RAPH1: variants seen among roughly 807,000 people sequenced by gnomAD.
RAPH1 encodes ras-associated and pleckstrin homology domains-containing protein 1.
A neutral mutation model predicts 88.1 loss-of-function variants in RAPH1; 18 were observed. The ratio of observed to expected loss-of-function variants is 0.20; its 90% CI spans 0.14 to 0.30. The LOEUF (loss-of-function observed/expected upper bound fraction) is 0.30. Ranked by LOEUF, RAPH1 falls within the 10% of genes least tolerant of loss-of-function variation. The pLI is 1.00. For synonymous variants in RAPH1, 587 were observed against 559.0 expected (o/e 1.05, Z -0.71); for missense variants, 1,448 against 1,543.2 (o/e 0.94, Z 1.03).
chr2:203,495,030 T>C, intron 2 of RAPH1: 1 of 494,140 alleles, frequency 2.0e-6, no homozygotes, highest in East Asian at 3.1e-5. Flanking sequence ...TCACAAGTAT[T>C]TTTTTTAACA....
intron 4 of RAPH1, among the ~76,000 whole-genome samples, chr2:203,474,554 CTTTT>C (rs1231355983): frequency 6.6e-6 from 1 of 152,186 alleles, no homozygotes; most frequent in East Asian, 1.9e-4. Flanking sequence ...TCTGCACTTT[CTTTT>C]GTTCTGAGCT....
chr2:203,498,841 TCA>T (rs1688621178), intron 1 of RAPH1, among the ~76,000 whole-genome samples: 1 of 152,218 alleles, frequency 6.6e-6, no homozygotes, highest in Non-Finnish European at 1.5e-5. Flanking sequence ...AGTCATGTGC[TCA>T]TAATGATGTT....
At chr2:203,490,968 T>C (rs2443801) in intron 3 of RAPH1, among the ~76,000 whole-genome samples, 16,114 of 147,642 alleles carry the variant, frequency 0.11, 1,785 homozygotes, top group African/African-American at 0.29. Flanking sequence ...CGCTTGAACC[T>C]GGGAGGCAGA....
At chr2:203,512,400 C>T (rs938437969) in intron 1 of RAPH1, among the ~76,000 whole-genome samples, 2 of 151,334 alleles carry the variant, frequency 1.3e-5, no homozygotes, top group African/African-American at 4.9e-5. Context: ...AACAAATTCT[C>T]CCTCCATGTT....
At chr2:203,475,182 A>G (rs1375499655) in intron 4 of RAPH1, among the ~76,000 whole-genome samples, 1 of 152,122 alleles carries the variant, frequency 6.6e-6, no homozygotes, top group Non-Finnish European at 1.5e-5. Flanking sequence ...CCGAGGCGGG[A>G]GGATCACAAG....
chr2:203,462,105 G>C (rs2098524639), intron 4 of RAPH1, among the ~76,000 whole-genome samples, 180 bp from the exon 5 acceptor site: 1 of 152,156 alleles, frequency 6.6e-6, no homozygotes, highest in Non-Finnish European at 1.5e-5. Context: ...ACATTTTATA[G>C]ATGCAGACTT....
At chr2:203,478,077 G>GTT (rs1279227914) in intron 4 of RAPH1, among the ~76,000 whole-genome samples, 1 of 150,130 alleles carries the variant, frequency 6.7e-6, no homozygotes, top group Non-Finnish European at 1.5e-5. Context: ...CAGTCGCCCA[G>GTT]GCTGGAGTGC....
chr2:203,449,920 G>A (rs1359308759), intron 10 of RAPH1, among the ~76,000 whole-genome samples: 1 of 151,898 alleles, frequency 6.6e-6, no homozygotes, highest in African/African-American at 2.4e-5. Flanking sequence ...CTACTCAGGA[G>A]GCTGACACAG....
Position 203,438,161 on chromosome 2 carries a change from C to G in RAPH1, c.*1276G>C, listed in dbSNP as rs777525942. 3 of 518,810 alleles carry G rather than the reference C, an allele frequency of 5.8e-6. No homozygotes were observed. The highest frequency in any genetic ancestry group is 4.2e-5 in the South Asian group (3 of 71,456). The allele number at this position is 518,810 out of a possible 1,614,324, so 32.1% of individuals were successfully genotyped here. On this transcript the variant is annotated 3_prime_UTR_variant, in exon 14 of 14. Coordinates refer to ENST00000319170, the MANE Select transcript of RAPH1 (RefSeq NM_213589.3). ...CCTAGTAACCTGAACTAATCACAAC[C>G]AGGCTGCAGTCAGCAAGGGTCCTGG...
At chr2:203,506,031 C>T (rs150322640) in intron 1 of RAPH1, among the ~76,000 whole-genome samples, 13 of 152,212 alleles carry the variant, frequency 8.5e-5, no homozygotes, top group South Asian at 2.1e-4. Flanking sequence ...GAAAGCCTCA[C>T]GAGGGAGGCA....
chr2:203,447,776 T>C, intron 12 of RAPH1, 183 bp downstream of exon 12: 1 of 457,160 alleles, frequency 2.2e-6, no homozygotes, highest in Non-Finnish European at 3.8e-6. Context: ...AATACATTTG[T>C]GAACTAGCCC....
Position 203,437,739 on chromosome 2 carries a change from T to G in RAPH1, c.*1698A>C, listed in dbSNP as rs2098499642. ...TACTGTACTAATTAAGCACTTTTGC[T>G]CATTCTAGAATTATTTACCATCTCT... On this transcript the variant is annotated 3_prime_UTR_variant, in exon 14 of 14. Coordinates refer to ENST00000319170, the MANE Select transcript of RAPH1 (RefSeq NM_213589.3). 1 of 183,714 alleles carries G rather than the reference T, an allele frequency of 5.4e-6. No homozygotes were observed. Among genetic ancestry groups the G allele is most frequent in the Non-Finnish European group, 1.1e-5 (1 of 88,844 alleles). The allele number at this position is 183,714 out of a possible 1,614,324, so 11.4% of individuals were successfully genotyped here.
At chr2:203,524,960 T>C (rs1467166784) in intron 1 of RAPH1, among the ~76,000 whole-genome samples, 1 of 152,184 alleles carries the variant, frequency 6.6e-6, no homozygotes, top group Non-Finnish European at 1.5e-5. Flanking sequence ...ATATATGCAA[T>C]TTTCTGATTA....
intron 10 of RAPH1, among the ~76,000 whole-genome samples, chr2:203,452,886 TGCAGTGAGCCGAGATCACA>T (rs1335500368): frequency 6.6e-6 from 1 of 152,002 alleles, no homozygotes; most frequent in Non-Finnish European, 1.5e-5. Flanking sequence ...AGGCAGAGGT[TGCAGTGAGCCGAGATCACA>T]TCAGCCAGGG....
chr2:203,466,618 T>C (rs530897376), intron 4 of RAPH1, among the ~76,000 whole-genome samples: 2 of 152,372 alleles, frequency 1.3e-5, no homozygotes. Context: ...TTAAGTTTTC[T>C]GCCCCATATC....
intron 1 of RAPH1, among the ~76,000 whole-genome samples, chr2:203,507,960 C>T (rs1689160290): frequency 6.6e-6 from 1 of 151,814 alleles, no homozygotes; most frequent in Non-Finnish European, 1.5e-5. Flanking sequence ...TGCCTGTAAT[C>T]CCAGCACTTT....
chr2:203,528,727 C>G (rs1320684545), intron 1 of RAPH1, among the ~76,000 whole-genome samples: 2 of 151,786 alleles, frequency 1.3e-5, no homozygotes, highest in Non-Finnish European at 2.9e-5. Context: ...ATTCTAAAAA[C>G]TTAGGGTAAA....
rs750783858 is a variant in RAPH1 at position 203,488,588 on chromosome 2, TA to T, written c.732+995del. Among the ~76,000 whole-genome samples the T allele has an allele frequency of 8.2e-3, 302 of 36,652 alleles. 2 individuals are homozygous for T. The highest frequency in any genetic ancestry group is 0.017 in the Middle Eastern group (1 of 58). The allele number at this position is 36,652 out of a possible 152,430, so 24.0% of individuals were successfully genotyped here. On this transcript the variant is annotated intron_variant, in intron 4 of 13. Coordinates refer to ENST00000319170, the MANE Select transcript of RAPH1 (RefSeq NM_213589.3). ...GGCGACAGAATGAGACTCCGTCTATTAAAAAAAAAAAAAAAAAAAAAAAAAA... is the reference window on the plus strand; with the variant it reads ...GGCGACAGAATGAGACTCCGTCTATTAAAAAAAAAAAAAAAAAAAAAAAAA...
rs778241031 is a variant in RAPH1 at position 203,516,989 on chromosome 2, G to A, written c.-1+18122C>T. Among the ~76,000 whole-genome samples the A allele has an allele frequency of 3.3e-5, 5 of 151,538 alleles. No homozygotes were observed. In the South Asian group the frequency reaches 6.3e-4, roughly 19 times the overall value. ...GCAGAGCTTGCAGTGAGCCGACATCGCGTCACTGCACTCCAGCCTGGGTGA... is the reference window on the plus strand; with the variant it reads ...GCAGAGCTTGCAGTGAGCCGACATCACGTCACTGCACTCCAGCCTGGGTGA... On this transcript the variant is annotated intron_variant, in intron 1 of 13. Coordinates refer to ENST00000319170, the MANE Select transcript of RAPH1 (RefSeq NM_213589.3).
Sources: allele counts gnomAD v4.1 joint callset (sites outside exome capture counted in the v4.1 genomes callset), GRCh38; gene constraint gnomAD v4.1.1; transcripts MANE v1.5; gene names NCBI Gene and HGNC (gene_info 2026-07-23, HGNC 2026-07-21).